Variants in ZDHHC14 observed in about 807,000 individuals in gnomAD.
ZDHHC14 encodes the protein zDHHC palmitoyltransferase 14.
Under a neutral mutation model 47.7 loss-of-function variants are expected in ZDHHC14, and 16 were observed. The ratio of observed to expected loss-of-function variants is 0.34; its 90% CI spans 0.23 to 0.51. The LOEUF (loss-of-function observed/expected upper bound fraction) is 0.51, where lower values mean the gene tolerates loss of function less well. Ranked by LOEUF, ZDHHC14 falls within the 20% of genes least tolerant of loss-of-function variation. The pLI, the probability that ZDHHC14 is intolerant of heterozygous loss-of-function variation, is 0.97. For synonymous variants in ZDHHC14, 293 were observed against 278.9 expected (o/e 1.05, Z -0.50); for missense variants, 515 against 662.5 (o/e 0.78, Z 2.44).
At chr6:157,532,720 T>C (rs1280477279) in intron 1 of ZDHHC14, among the ~76,000 whole-genome samples, 1 of 152,230 alleles carries the variant, frequency 6.6e-6, no homozygotes, top group East Asian at 1.9e-4. Context: ...TTCTCAAATG[T>C]ATGATCCTCC....
At chr6:157,631,127 G>T (rs530008616) in intron 4 of ZDHHC14, 1 of 152,016 alleles carries the variant, frequency 6.6e-6, no homozygotes, top group Non-Finnish European at 1.5e-5. Context: ...TCACACTCTC[G>T]CACTCACATG....
intron 1 of ZDHHC14, among the ~76,000 whole-genome samples, chr6:157,390,774 G>A (rs147161890): frequency 6.7e-4 from 102 of 152,076 alleles, no homozygotes; most frequent in African/African-American, 2.4e-3. Flanking sequence ...ATCTGTTCAT[G>A]GTTGTGTTAA....
At chr6:157,552,163 T>C (rs1404474372) in intron 2 of ZDHHC14, among the ~76,000 whole-genome samples, 1 of 152,144 alleles carries the variant, frequency 6.6e-6, no homozygotes, top group African/African-American at 2.4e-5. Context: ...CAAAATAAGA[T>C]ATTTCAATGA....
At chr6:157,404,390 C>T (rs1777702807) in intron 1 of ZDHHC14, among the ~76,000 whole-genome samples, 1 of 152,184 alleles carries the variant, frequency 6.6e-6, no homozygotes. Flanking sequence ...TCATCTCAGC[C>T]TCCCAAAGTG....
intron 3 of ZDHHC14, among the ~76,000 whole-genome samples, chr6:157,603,099 CA>C (rs1784398041): frequency 1.3e-5 from 2 of 152,156 alleles, no homozygotes. Flanking sequence ...GGGACGTCCA[CA>C]GTGCTTCATG....
chr6:157,627,724 A>G (rs953484626), intron 3 of ZDHHC14, among the ~76,000 whole-genome samples: 1 of 152,254 alleles, frequency 6.6e-6, no homozygotes, highest in African/African-American at 2.4e-5. Flanking sequence ...GGCCCCGTGC[A>G]GGCAGTCTCC....
intron 3 of ZDHHC14, among the ~76,000 whole-genome samples, chr6:157,601,563 C>T (rs1489638962): frequency 6.6e-6 from 1 of 152,120 alleles, no homozygotes; most frequent in Admixed American, 6.6e-5. Context: ...GACATGTACT[C>T]TCCACAAATT....
chr6:157,409,389 G>C (rs775293067), intron 1 of ZDHHC14, among the ~76,000 whole-genome samples: 2 of 152,116 alleles, frequency 1.3e-5, no homozygotes, highest in Admixed American at 6.5e-5. Flanking sequence ...GGGAGCAGCG[G>C]GTTACGTATG....
At chr6:157,529,686 A>G (rs914505240) in intron 1 of ZDHHC14, among the ~76,000 whole-genome samples, 1 of 152,216 alleles carries the variant, frequency 6.6e-6, no homozygotes, top group South Asian at 2.1e-4. Context: ...CTGTGTTCTT[A>G]ATTACATTTA....
chr6:157,517,048 G>GT (rs200528526), intron 1 of ZDHHC14, among the ~76,000 whole-genome samples: 1,642 of 152,258 alleles, frequency 0.011, 18 homozygotes, highest in Non-Finnish European at 0.018. Flanking sequence ...TTTTTATACC[G>GT]TGGTTGTACC....
chr6:157,636,333 ATAAG>A (rs1562521365), intron 5 of ZDHHC14, among the ~76,000 whole-genome samples: 1 of 68,390 alleles, frequency 1.5e-5, no homozygotes, highest in African/African-American at 7.2e-5. Context: ...ATAAGGATAT[ATAAG>A]TGTGTGTGTG....
At chr6:157,482,255 CTTTTCTTTTTT>C (rs1486471046) in intron 1 of ZDHHC14, among the ~76,000 whole-genome samples, 5 of 127,214 alleles carry the variant, frequency 3.9e-5, no homozygotes, top group African/African-American at 5.3e-5. Context: ...TATTTCTTTT[CTTTTCTTTTTT>C]TTTTTTTTTT....
intron 1 of ZDHHC14, among the ~76,000 whole-genome samples, chr6:157,478,998 G>A (rs774875384): frequency 3.3e-5 from 5 of 152,186 alleles, no homozygotes; most frequent in South Asian, 2.1e-4. Context: ...GGAAAGGTCC[G>A]CGGGGAGACA....
chr6:157,466,102 C>G (rs1297211517), intron 1 of ZDHHC14, among the ~76,000 whole-genome samples: 2 of 152,160 alleles, frequency 1.3e-5, no homozygotes, highest in Non-Finnish European at 2.9e-5. Flanking sequence ...GCGGGCCCCA[C>G]AGCCTGAGAA....
chr6:157,575,476 G>A (rs959564135), intron 2 of ZDHHC14, among the ~76,000 whole-genome samples: 5 of 152,148 alleles, frequency 3.3e-5, no homozygotes, highest in Middle Eastern at 3.4e-3. Flanking sequence ...CAGATCTCCC[G>A]CTTACACTGT....
chr6:157,652,384 G>T (rs9347469), intron 7 of ZDHHC14, among the ~76,000 whole-genome samples: 35,087 of 152,020 alleles, frequency 0.23, 4,953 homozygotes, highest in East Asian at 0.54. Context: ...CACTTTTGTA[G>T]TTTGCAAAAT....
intron 1 of ZDHHC14, among the ~76,000 whole-genome samples, chr6:157,462,800 G>A (rs1423509972): frequency 6.6e-6 from 1 of 152,244 alleles, no homozygotes. Context: ...GGGCCTGGCG[G>A]GGGCCTCTTC....
intron 1 of ZDHHC14, among the ~76,000 whole-genome samples, chr6:157,449,149 C>T (rs1473771220): frequency 6.6e-6 from 1 of 152,086 alleles, no homozygotes; most frequent in East Asian, 1.9e-4. Flanking sequence ...GATAGAACTT[C>T]GGTGGAAGAT....
chr6:157,456,973 ACT>A (rs1369054255), intron 1 of ZDHHC14, among the ~76,000 whole-genome samples: 1 of 151,108 alleles, frequency 6.6e-6, no homozygotes, highest in African/African-American at 2.4e-5. Context: ...ACATGGTGAA[ACT>A]CTGTCTCTAC....
Sources: gnomAD v4.1 joint callset for allele counts (sites outside exome capture counted in the v4.1 genomes callset) on GRCh38, gnomAD v4.1.1 for gene constraint, MANE v1.5 for transcripts, NCBI Gene and HGNC (gene_info 2026-07-23, HGNC 2026-07-21) for gene names.